The following CPEB1 variants were observed in gnomAD, a reference collection of about 807,000 sequenced individuals.
CPEB1 encodes cytoplasmic polyadenylation element binding protein 1, also known as cytoplasmic polyadenylation element-binding protein 1.
A neutral mutation model predicts 65.8 loss-of-function variants in CPEB1; 7 were observed. That is an observed-to-expected ratio of 0.11 (90% confidence interval 0.06 to 0.20). The LOEUF is 0.20. Among genes scored for constraint, CPEB1 ranks in the 10% least tolerant of loss-of-function variants. CPEB1 has a pLI of 1.00. For missense variants in CPEB1, 551 were observed against 712.2 expected (o/e 0.77, Z 2.58); for synonymous variants, 262 against 260.0 (o/e 1.01, Z -0.08).
intron 3 of CPEB1, chr15:82,572,990 A>C (rs1433110789): frequency 6.6e-7 from 1 of 1,512,408 alleles, no homozygotes; most frequent in Admixed American, 2.0e-5. Flanking sequence ...ACAGGCCCAG[A>C]CTCACCAGGC....
In CPEB1 at chr15:82,586,508, A is replaced by T. The variant is rs144625130; in HGVS notation, c.272-14976T>A. 2.9e-3 allele frequency among the ~76,000 whole-genome samples: 443 copies of T among 152,364 alleles called. 1 individual carries two copies. The highest frequency in any genetic ancestry group is 6.7e-3 in the Admixed American group (103 of 15,308). ...GTTATTCCCCTTTAAAAAAAATTACATAAAATAAATTTGATCTCTCCTTCT... is the reference window on the plus strand; with the variant it reads ...GTTATTCCCCTTTAAAAAAAATTACTTAAAATAAATTTGATCTCTCCTTCT... On this transcript the variant is annotated intron_variant, in intron 3 of 12. Transcript: ENST00000684509.
intron 1 of CPEB1, among the ~76,000 whole-genome samples, chr15:82,634,783 G>A (rs2151355693): frequency 1.3e-5 from 2 of 152,268 alleles, no homozygotes; most frequent in Middle Eastern, 3.4e-3. Context: ...TTAAGCCAGA[G>A]TAGCAGAAAG....
intron 3 of CPEB1, among the ~76,000 whole-genome samples, chr15:82,616,454 A>G (rs186449298): frequency 7.2e-5 from 11 of 152,344 alleles, no homozygotes; most frequent in African/African-American, 2.6e-4. Context: ...TTGTCTGAAT[A>G]AAGGTCTGAA....
intron 3 of CPEB1, chr15:82,571,824 G>A (rs1327108654): frequency 1.6e-6 from 2 of 1,220,010 alleles, no homozygotes; most frequent in African/African-American, 1.5e-5. Flanking sequence ...TCAGCCGGCT[G>A]AGCCGTGCAA....
chr15:82,547,576 G>T (rs762667358), intron 10 of CPEB1, among the ~76,000 whole-genome samples: 2 of 151,958 alleles, frequency 1.3e-5, no homozygotes, highest in Non-Finnish European at 2.9e-5. Context: ...TTACAGGCGT[G>T]AGCCACCGAG....
Position 82,594,734 on chromosome 15 carries a change from T to C in CPEB1, c.272-23202A>G, listed in dbSNP as rs143098008. 4.3e-3 allele frequency among the ~76,000 whole-genome samples: 659 copies of C among 152,310 alleles called. 5 individuals are homozygous for C. Among genetic ancestry groups the C allele is most frequent in the African/African-American group, 0.015 (628 of 41,568 alleles). ...TGTCTTCCTCACTAAGCTTCATCAT[T>C]TCTAGTTTTTGATGTAAACTGAGAC... is the stretch of plus-strand genomic sequence containing the variant. On this transcript the variant is annotated intron_variant, in intron 3 of 12. Coordinates refer to ENST00000684509, the MANE Select transcript of CPEB1 (RefSeq NM_001365242.1).
intron 3 of CPEB1, among the ~76,000 whole-genome samples, chr15:82,624,403 C>G (rs189058609): frequency 2.6e-5 from 4 of 152,282 alleles, no homozygotes; most frequent in Admixed American, 2.6e-4. Flanking sequence ...TGAGCAGGTA[C>G]CATTCTGTCC....
At chr15:82,576,903 T>C (rs900780128) in intron 3 of CPEB1, among the ~76,000 whole-genome samples, 4 of 152,074 alleles carry the variant, frequency 2.6e-5, no homozygotes, top group Non-Finnish European at 5.9e-5. Flanking sequence ...TGCACACTTG[T>C]AGTCACAGCT....
chr15:82,633,390 G>A (rs2046412027), intron 1 of CPEB1, among the ~76,000 whole-genome samples: 1 of 152,202 alleles, frequency 6.6e-6, no homozygotes, highest in Admixed American at 6.5e-5. Flanking sequence ...TATTTTATTT[G>A]AGACAGAGTT....
intron 12 of CPEB1, among the ~76,000 whole-genome samples, chr15:82,545,598 G>T (rs1005618465): frequency 6.6e-6 from 1 of 152,124 alleles, no homozygotes; most frequent in African/African-American, 2.4e-5. Flanking sequence ...CTCAGGTGAT[G>T]TGTCTGTAAT....
intron 12 of CPEB1, among the ~76,000 whole-genome samples, chr15:82,545,205 T>G (rs1302306804): frequency 1.3e-5 from 2 of 152,174 alleles, no homozygotes; most frequent in Admixed American, 6.5e-5. Flanking sequence ...CTCTGAGCAA[T>G]TATCTGACTA....
At chr15:82,642,881 A>G (rs367865526) in intron 1 of CPEB1, among the ~76,000 whole-genome samples, 1 of 152,232 alleles carries the variant, frequency 6.6e-6, no homozygotes, top group Non-Finnish European at 1.5e-5. Context: ...AAAACAGTGT[A>G]AACATTAATA....
intron 3 of CPEB1, among the ~76,000 whole-genome samples, chr15:82,626,175 C>G (rs1294407340): frequency 2.6e-5 from 4 of 151,704 alleles, no homozygotes; most frequent in African/African-American, 9.7e-5. Flanking sequence ...GTGGCTCACA[C>G]CTATAATCCC....
chr15:82,616,471 A>G (rs562937938), intron 3 of CPEB1, among the ~76,000 whole-genome samples: 1 of 152,224 alleles, frequency 6.6e-6, no homozygotes, highest in Admixed American at 6.5e-5. Context: ...TGAATCAAAC[A>G]TATCAAAATC....
intron 3 of CPEB1, among the ~76,000 whole-genome samples, chr15:82,626,293 G>A (rs1018147280): frequency 1.3e-5 from 2 of 151,770 alleles, no homozygotes; most frequent in African/African-American, 4.8e-5. Flanking sequence ...AATTAGCTGG[G>A]TGTGGTGGCG....
At chr15:82,643,192 G>C (rs1387997773) in intron 1 of CPEB1, among the ~76,000 whole-genome samples, 1 of 152,158 alleles carries the variant, frequency 6.6e-6, no homozygotes, top group Non-Finnish European at 1.5e-5. Context: ...AGCAGCTAGA[G>C]GCAGGTAACA....
rs1264925250 is a variant in CPEB1 at position 82,597,676 on chromosome 15, G to T, written c.272-26144C>A. 2.6e-5 allele frequency among the ~76,000 whole-genome samples: 4 copies of T among 152,166 alleles called. No homozygotes were observed. The East Asian group carries it at 7.7e-4, about 29-fold the overall frequency. On this transcript the variant is annotated intron_variant, in intron 3 of 12. Coordinates refer to ENST00000684509, the MANE Select transcript of CPEB1 (RefSeq NM_001365242.1). ...GAAAAACAGGCAGTTAATTTTTAAA[G>T]AACTCCAGCTCTTTCTCTTTTTCAG...
intron 3 of CPEB1, among the ~76,000 whole-genome samples, chr15:82,585,030 T>C (rs186647168): frequency 2.0e-5 from 3 of 150,262 alleles, no homozygotes; most frequent in East Asian, 2.0e-4. Flanking sequence ...AAGCCCATAT[T>C]AGATTTCAAA....
At chr15:82,640,468 A>T (rs575700742) in intron 1 of CPEB1, among the ~76,000 whole-genome samples, 1 of 152,258 alleles carries the variant, frequency 6.6e-6, no homozygotes, top group South Asian at 2.1e-4. Flanking sequence ...GCCTAAAAAC[A>T]GCCCTGTTTC....
Sources: gnomAD v4.1 joint callset for allele counts (sites outside exome capture counted in the v4.1 genomes callset) on GRCh38, gnomAD v4.1.1 for gene constraint, MANE v1.5 for transcripts, NCBI Gene and HGNC (gene_info 2026-07-23, HGNC 2026-07-21) for gene names.